The following PCNX1 variants were observed in gnomAD, a reference collection of about 807,000 sequenced individuals.
The protein encoded by PCNX1 is pecanex-like protein 1.
A neutral mutation model predicts 242.2 loss-of-function variants in PCNX1; 78 were observed. The ratio of observed to expected loss-of-function variants is 0.32; its 90% CI spans 0.27 to 0.39. PCNX1 has a LOEUF of 0.39. Ranked by LOEUF, PCNX1 falls within the 10% of genes least tolerant of loss-of-function variation. PCNX1 has a pLI of 1.00. For missense variants in PCNX1, 2,581 were observed against 2,856.5 expected (o/e 0.90, Z 2.20); for synonymous variants, 1,024 against 1,032.9 (o/e 0.99, Z 0.17).
chr14:70,921,292 TTGGA>T (rs1279318038), intron 1 of PCNX1, among the ~76,000 whole-genome samples: 1 of 152,060 alleles, frequency 6.6e-6, no homozygotes, highest in Non-Finnish European at 1.5e-5. Context: ...TGAAATGAAC[TTGGA>T]TGGGGAATAA....
chr14:70,979,480 C>T (rs577949240), intron 6 of PCNX1, among the ~76,000 whole-genome samples: 3 of 148,644 alleles, frequency 2.0e-5, no homozygotes, highest in Admixed American at 2.0e-4. Context: ...TTATTTGGTT[C>T]TGGTTTTTAT....
chr14:71,083,104 C>A (rs2061896644), intron 28 of PCNX1, among the ~76,000 whole-genome samples: 1 of 152,128 alleles, frequency 6.6e-6, no homozygotes, highest in African/African-American at 2.4e-5. Context: ...TACTCCTTAG[C>A]TTATGAAGCT....
rs891174870 is a variant in PCNX1, at chr14:71,110,406, G to A, written c.*471G>A. 3 of 194,436 alleles carry A rather than the reference G, an allele frequency of 1.5e-5. No homozygotes were observed. In the Admixed American group the frequency reaches 1.6e-4, roughly 11 times the overall value. The allele number at this position is 194,436 out of a possible 1,614,324, so 12.0% of individuals were successfully genotyped here. On this transcript the variant is annotated 3_prime_UTR_variant, in exon 36 of 36. Transcript: ENST00000304743. ...CCTTTTGACTTATAGCAGTATAAAA[G>A]TTTAATGTACAGTGAAAGAGACTAT...
intron 6 of PCNX1, 50 bp downstream of exon 6, chr14:70,978,698 A>C (rs375933388): frequency 6.8e-7 from 1 of 1,465,498 alleles, no homozygotes; most frequent in African/African-American, 1.4e-5. Context: ...GCTTTTTCAT[A>C]CTATTAATTA....
chr14:71,036,772 T>C (rs1158576934), intron 19 of PCNX1, among the ~76,000 whole-genome samples: 1 of 152,240 alleles, frequency 6.6e-6, no homozygotes, highest in Non-Finnish European at 1.5e-5. Context: ...AGTGCTGAAA[T>C]ACATGACTTT....
At chr14:70,995,317 A>C (rs562384755) in intron 7 of PCNX1, among the ~76,000 whole-genome samples, 2 of 152,364 alleles carry the variant, frequency 1.3e-5, no homozygotes, top group East Asian at 3.9e-4. Flanking sequence ...AATATTTGAA[A>C]GAACAATTCT....
chr14:71,075,431 T>C (rs912545046), intron 27 of PCNX1, among the ~76,000 whole-genome samples: 1 of 152,210 alleles, frequency 6.6e-6, no homozygotes, highest in Non-Finnish European at 1.5e-5. Flanking sequence ...TTTTTACTTG[T>C]ATGTGCGTGT....
At chr14:71,038,733 A>G (rs1290077277) in intron 19 of PCNX1, among the ~76,000 whole-genome samples, 1 of 152,108 alleles carries the variant, frequency 6.6e-6, no homozygotes, top group Non-Finnish European at 1.5e-5. Context: ...TATATACCCA[A>G]AGGACTATAA....
rs554068147 is a variant in PCNX1, at chr14:70,921,327, T to C, written c.153+13324T>C. Reference sequence around the variant, plus strand: ...AATAAAGAGGAATTTTGGGTTGTTTTTGGCATTTTACTAATGAAATCCTCA... The same window carrying C: ...AATAAAGAGGAATTTTGGGTTGTTTCTGGCATTTTACTAATGAAATCCTCA... On this transcript the variant is annotated intron_variant, in intron 1 of 35. Coordinates refer to ENST00000304743, the MANE Select transcript of PCNX1 (RefSeq NM_014982.3). Among the ~76,000 whole-genome samples, 16 of 152,270 alleles carry C rather than the reference T, an allele frequency of 1.1e-4. No individual in the cohort carries two copies. The South Asian group carries it at 3.3e-3, about 32-fold the overall frequency.
intron 6 of PCNX1, among the ~76,000 whole-genome samples, chr14:70,981,992 C>G (rs1382505673): frequency 1.3e-5 from 2 of 152,002 alleles, no homozygotes; most frequent in East Asian, 3.9e-4. Flanking sequence ...AGTCACTATT[C>G]TGTAAGCATG....
rs751484436 is a variant in PCNX1 at position 71,102,202 on chromosome 14, G to T, written c.5802G>T (p.Leu1934=). The T allele has an allele frequency of 1.2e-6, 2 of 1,610,344 alleles. No homozygotes were observed. The highest frequency in any genetic ancestry group is 4.5e-5 in the East Asian group (2 of 44,870). Residue 1934 remains leucine, a synonymous_variant, in exon 31 of 36, where the codon CTG becomes CTT. Transcript: ENST00000304743. The part of the protein sequence containing the change: ...YKIIMLNRRY[L]SFRVIKVNKE... The stretch of plus-strand genomic sequence containing the variant: ...TCATCATGCTCAACAGACGCTACCT[G>T]AGCTTCAGGGTCATTAAAGTAAGTG...
At chr14:71,078,366 A>C (rs1005182447) in intron 28 of PCNX1, among the ~76,000 whole-genome samples, 1 of 152,194 alleles carries the variant, frequency 6.6e-6, no homozygotes, top group Non-Finnish European at 1.5e-5. Context: ...TGAATGTTTA[A>C]AAGCTGCCTC....
intron 26 of PCNX1, among the ~76,000 whole-genome samples, chr14:71,061,322 C>T (rs979274265): frequency 2.0e-5 from 3 of 152,198 alleles, no homozygotes; most frequent in Admixed American, 1.3e-4. Flanking sequence ...CCCAGCTTTT[C>T]TTCCCAGATG....
intron 2 of PCNX1, among the ~76,000 whole-genome samples, chr14:70,948,135 G>A (rs1011829424): frequency 6.6e-5 from 10 of 152,020 alleles, no homozygotes; most frequent in East Asian, 3.9e-4. Flanking sequence ...TTCTAATTTC[G>A]CCCTGGCATT....
In PCNX1 at chr14:70,907,952, G is replaced by C. The variant is rs1182774997; in HGVS notation, c.102G>C (p.Leu34=). 6.3e-7 allele frequency: 1 copy of C among 1,598,002 alleles called. No homozygotes were observed. Among genetic ancestry groups the C allele is most frequent in the Admixed American group, 1.7e-5 (1 of 58,122 alleles). ...DPHQATFVNA[L]HLYLWLFLLG... ...ACCAGGCCACCTTCGTGAACGCGCT[G>C]CACCTCTACCTGTGGCTCTTTCTGC... The change falls in exon 1 of 36, where the codon CTG becomes CTC. Residue 34 remains leucine (L), a synonymous_variant. Transcript: ENST00000304743.
intron 1 of PCNX1, among the ~76,000 whole-genome samples, chr14:70,942,631 A>T (rs377733640): frequency 6.6e-6 from 1 of 152,212 alleles, no homozygotes; most frequent in Non-Finnish European, 1.5e-5. Context: ...GAAAAGTTGC[A>T]TGAGGCAAGG....
chr14:71,008,106 A>G (rs776333022), intron 8 of PCNX1, among the ~76,000 whole-genome samples: 4 of 152,314 alleles, frequency 2.6e-5, no homozygotes, highest in South Asian at 4.1e-4. Context: ...AGAAAACAGC[A>G]TAACTTTTAT....
chr14:70,988,656 A>G lies in PCNX1; in HGVS notation c.2401A>G (p.Ser801Gly), dbSNP rs763241868. The G allele has an allele frequency of 1.2e-6, 2 of 1,614,018 alleles. No homozygotes were observed. The highest frequency in any genetic ancestry group is 2.2e-5 in the South Asian group (2 of 91,088). The part of the protein sequence containing the change: ...QAVRRRHNAG[S>G]NPTPPTLLIG... ...AGTACGGCGCCGGCACAATGCAGGG[A>G]GTAACCCTACCCCTCCTACATTGCT... is the stretch of plus-strand genomic sequence containing the variant. Residue 801 changes from serine (S) to glycine (G), a missense_variant, in exon 7 of 36, where the codon AGT becomes GGT. Ser to Gly is a moderately conservative substitution (Grantham distance 56). Around this residue, in one of 9 missense-constraint regions of PCNX1, gnomAD observed 1,204 missense variants for 1,216.7 expected, o/e 0.99. Transcript: ENST00000304743.
At chr14:71,004,193 G>A (rs1347026812) in intron 8 of PCNX1, among the ~76,000 whole-genome samples, 1 of 152,208 alleles carries the variant, frequency 6.6e-6, no homozygotes, top group African/African-American at 2.4e-5. Flanking sequence ...TCTGGCCCAT[G>A]AAGCCTAAAG....
Sources: gnomAD v4.1 joint callset for allele counts (sites outside exome capture counted in the v4.1 genomes callset) on GRCh38, gnomAD v4.1.1 for gene constraint, gnomAD v4.1.1 regional missense constraint, MANE v1.5 for transcripts, NCBI Gene and HGNC (gene_info 2026-07-23, HGNC 2026-07-21) for gene names.